DSCAM: variants seen among roughly 807,000 people sequenced by gnomAD.
The protein encoded by DSCAM is DS cell adhesion molecule.
In DSCAM, 47 loss-of-function variants were observed where a neutral mutation model predicts 217.7. The ratio of observed to expected loss-of-function variants is 0.22; its 90% CI spans 0.17 to 0.28. The LOEUF is 0.28. Among genes scored for constraint, DSCAM ranks in the 10% least tolerant of loss-of-function variants. DSCAM has a pLI of 1.00. For synonymous variants in DSCAM, 1,056 were observed against 1,015.3 expected (o/e 1.04, Z -0.76); for missense variants, 2,080 against 2,618.3 (o/e 0.79, Z 4.49).
chr21:40,623,994 GT>G (rs2089563083), intron 3 of DSCAM, among the ~76,000 whole-genome samples: 1 of 152,114 alleles, frequency 6.6e-6, no homozygotes, highest in Non-Finnish European at 1.5e-5. Flanking sequence ...CAGAAGGTTG[GT>G]TTGTCTTTCA....
At chr21:40,492,389 A>T (rs551382556) in intron 3 of DSCAM, among the ~76,000 whole-genome samples, 2 of 152,298 alleles carry the variant, frequency 1.3e-5, no homozygotes, top group South Asian at 4.1e-4. Flanking sequence ...AATAAAATAA[A>T]ACTCTAAAGG....
intron 3 of DSCAM, among the ~76,000 whole-genome samples, chr21:40,496,490 C>T (rs1346427626): frequency 6.6e-6 from 1 of 152,080 alleles, no homozygotes; most frequent in Non-Finnish European, 1.5e-5. Context: ...TGAAATTAGA[C>T]CCTTATCTCA....
In DSCAM at chr21:40,382,147, G is replaced by C. The variant is rs142201351; in HGVS notation, c.509-12902C>G. On this transcript the variant is annotated intron_variant, in intron 3 of 32. Coordinates refer to ENST00000400454, the MANE Select transcript of DSCAM (RefSeq NM_001389.5). ...CTTTTAGCATCAGCTGGTATACCTT[G>C]GATTCTTAAAGTTCTCTCTTTAAAT... 7.2e-5 allele frequency among the ~76,000 whole-genome samples: 11 copies of C among 152,164 alleles called. No individual in the cohort carries two copies. In the East Asian group the frequency reaches 2.1e-3, roughly 29 times the overall value.
intron 1 of DSCAM, among the ~76,000 whole-genome samples, chr21:40,709,715 A>G (rs2090757338): frequency 6.6e-6 from 1 of 152,208 alleles, no homozygotes; most frequent in Non-Finnish European, 1.5e-5. Flanking sequence ...TGTATGTGCC[A>G]CATTTTCTTT....
intron 11 of DSCAM, among the ~76,000 whole-genome samples, chr21:40,260,805 T>C (rs1280678500): frequency 2.0e-5 from 3 of 152,206 alleles, no homozygotes; most frequent in Non-Finnish European, 4.4e-5. Context: ...CAAAACTATG[T>C]ATTGTCTTCT....
chr21:40,071,411 T>C (rs1262241457), intron 27 of DSCAM, among the ~76,000 whole-genome samples: 1 of 152,214 alleles, frequency 6.6e-6, no homozygotes, highest in African/African-American at 2.4e-5. Context: ...TCTTTCTTTC[T>C]TTCTAAAATT....
At chr21:40,590,879 T>A (rs1235434844) in intron 3 of DSCAM, among the ~76,000 whole-genome samples, 4 of 152,158 alleles carry the variant, frequency 2.6e-5, no homozygotes, top group Non-Finnish European at 5.9e-5. Flanking sequence ...AAAACATGTA[T>A]TCTAACCAAC....
chr21:40,390,971 TTAAAA>T (rs1278618886), intron 3 of DSCAM, among the ~76,000 whole-genome samples: 1 of 152,280 alleles, frequency 6.6e-6, no homozygotes, highest in South Asian at 2.1e-4. Context: ...AGCAACAAGC[TTAAAA>T]TAAAAGAAAG....
At chr21:40,265,397 C>T (rs1016452870) in intron 11 of DSCAM, among the ~76,000 whole-genome samples, 7 of 151,740 alleles carry the variant, frequency 4.6e-5, no homozygotes, top group Non-Finnish European at 1.0e-4. Flanking sequence ...TTGAAAGAAT[C>T]GGTATTGTGG....
chr21:40,148,864 T>A (rs73225230), intron 16 of DSCAM, among the ~76,000 whole-genome samples: 6,874 of 152,158 alleles, frequency 0.045, 209 homozygotes, highest in African/African-American at 0.08. Flanking sequence ...TGCCATAAAA[T>A]TAACCTAATG....
intron 1 of DSCAM, among the ~76,000 whole-genome samples, chr21:40,807,866 T>C (rs1364867894): frequency 6.6e-6 from 1 of 152,150 alleles, no homozygotes; most frequent in East Asian, 1.9e-4. Context: ...TAGCATGCTA[T>C]TGTGAGGTAT....
chr21:40,145,399 C>T (rs2090342640), intron 16 of DSCAM, among the ~76,000 whole-genome samples: 1 of 152,000 alleles, frequency 6.6e-6, no homozygotes, highest in Admixed American at 6.5e-5. Context: ...CATGAAGCCC[C>T]GAATCATTCT....
intron 3 of DSCAM, among the ~76,000 whole-genome samples, chr21:40,612,677 T>A (rs758710458): frequency 6.6e-6 from 1 of 152,224 alleles, no homozygotes; most frequent in Non-Finnish European, 1.5e-5. Flanking sequence ...AGCATGAGGA[T>A]GTCTGTTATA....
chr21:40,467,237 C>T (rs1443159177), intron 3 of DSCAM, among the ~76,000 whole-genome samples: 1 of 152,142 alleles, frequency 6.6e-6, no homozygotes, highest in African/African-American at 2.4e-5. Flanking sequence ...ATTTTATTTG[C>T]CTTTGCCTCT....
chr21:40,281,959 A>G (rs556034702), intron 10 of DSCAM, among the ~76,000 whole-genome samples: 2 of 152,350 alleles, frequency 1.3e-5, no homozygotes, highest in Middle Eastern at 6.8e-3. Flanking sequence ...GTTGAATATT[A>G]TCAGCTAGTT....
chr21:40,058,327 TG>T (rs1315733395), intron 28 of DSCAM, among the ~76,000 whole-genome samples: 3 of 152,182 alleles, frequency 2.0e-5, no homozygotes, highest in African/African-American at 4.8e-5. Flanking sequence ...GGCCCTGCGA[TG>T]GGGACGTCTT....
At chr21:40,136,032 G>C (rs75462769) in intron 18 of DSCAM, among the ~76,000 whole-genome samples, 10,651 of 152,246 alleles carry the variant, frequency 0.07, 444 homozygotes, top group East Asian at 0.11. Flanking sequence ...GGCTTTGCTG[G>C]GGAGGGAGCA....
At chr21:40,737,307 C>T (rs2091073808) in intron 1 of DSCAM, among the ~76,000 whole-genome samples, 1 of 152,072 alleles carries the variant, frequency 6.6e-6, no homozygotes, top group African/African-American at 2.4e-5. Context: ...GGAAATACAT[C>T]AACATTTTAC....
chr21:40,536,559 G>A (rs1384421805), intron 3 of DSCAM, among the ~76,000 whole-genome samples: 3 of 151,926 alleles, frequency 2.0e-5, no homozygotes, highest in Non-Finnish European at 2.9e-5. Context: ...CCACCACCAC[G>A]CCTGGCTAAT....
Sources: allele counts gnomAD v4.1 joint callset (sites outside exome capture counted in the v4.1 genomes callset), GRCh38; gene constraint gnomAD v4.1.1; transcripts MANE v1.5; gene names NCBI Gene and HGNC (gene_info 2026-07-23, HGNC 2026-07-21).